The following MALRD1 variants were observed in gnomAD, a reference collection of about 807,000 sequenced individuals.
The protein encoded by MALRD1 is MAM and LDL receptor class A domain containing 1, also known as MAM and LDL-receptor class A domain-containing protein 1.
MALRD1 carries 247 observed loss-of-function variants against 242.1 expected under a neutral mutation model. The ratio of observed to expected loss-of-function variants is 1.02; its 90% confidence interval spans 0.92 to 1.13. The LOEUF is 1.13. Ranked by LOEUF, MALRD1 falls within the 50% of genes most tolerant of loss-of-function variation. The pLI, the probability that MALRD1 is intolerant of heterozygous loss-of-function variation, is 0.00. For synonymous variants in MALRD1, 995 were observed against 866.6 expected (o/e 1.15, Z -2.60); for missense variants, 2,989 against 2,533.1 (o/e 1.18, Z -3.86).
At chr10:19,165,257 ATATATATATTTTGTTTTGTTTTGT>A (rs2131503589) in intron 12 of MALRD1, among the ~76,000 whole-genome samples, 1 of 110,360 alleles carries the variant, frequency 9.1e-6, no homozygotes, top group African/African-American at 3.7e-5. Flanking sequence ...ATATATATAT[ATATATATATTTTGTTTTGTTTTGT>A]TTTTGTTTTG....
intron 38 of MALRD1, among the ~76,000 whole-genome samples, chr10:19,727,687 C>G (rs1046313030): frequency 9.2e-5 from 14 of 152,012 alleles, no homozygotes; most frequent in African/African-American, 3.4e-4. Context: ...ATTCTTACAA[C>G]TCACTTATTC....
intron 31 of MALRD1, among the ~76,000 whole-genome samples, chr10:19,510,889 T>G (rs1833372763): frequency 6.6e-6 from 1 of 152,220 alleles, no homozygotes; most frequent in African/African-American, 2.4e-5. Context: ...TCTTGCAGAT[T>G]AGTTTCTATA....
intron 36 of MALRD1, among the ~76,000 whole-genome samples, chr10:19,635,320 A>G (rs2131663232): frequency 6.6e-6 from 1 of 152,346 alleles, no homozygotes; most frequent in Non-Finnish European, 1.5e-5. Context: ...AATAAAAATA[A>G]TAAGTCAACT....
chr10:19,421,449 T>C (rs1341816694), intron 28 of MALRD1, among the ~76,000 whole-genome samples: 1 of 152,174 alleles, frequency 6.6e-6, no homozygotes, highest in Non-Finnish European at 1.5e-5. Flanking sequence ...GGATTATTTA[T>C]AATTTCTGGT....
chr10:19,292,765 C>T (rs1039226028), intron 21 of MALRD1, among the ~76,000 whole-genome samples: 11 of 151,634 alleles, frequency 7.3e-5, no homozygotes, highest in African/African-American at 2.4e-4. Context: ...TGGTGGCGGG[C>T]GCCTGTAGTC....
chr10:19,702,768 TA>T (rs1833684148), intron 38 of MALRD1, among the ~76,000 whole-genome samples: 1 of 151,820 alleles, frequency 6.6e-6, no homozygotes, highest in Non-Finnish European at 1.5e-5. Flanking sequence ...ACCTTGAAAA[TA>T]ATGCCAAAAC....
intron 36 of MALRD1, among the ~76,000 whole-genome samples, chr10:19,680,439 G>T (rs1259109102): frequency 6.6e-6 from 1 of 151,858 alleles, no homozygotes; most frequent in African/African-American, 2.4e-5. Context: ...AGTGTGTTTT[G>T]CCAGAAACTA....
intron 28 of MALRD1, among the ~76,000 whole-genome samples, chr10:19,424,023 G>A (rs550084225): frequency 1.2e-4 from 18 of 152,024 alleles, no homozygotes; most frequent in East Asian, 3.9e-4. Flanking sequence ...ATCTATAGTC[G>A]AAAATAAAAC....
At chr10:19,462,182 C>T (rs536562634) in intron 29 of MALRD1, among the ~76,000 whole-genome samples, 11 of 152,268 alleles carry the variant, frequency 7.2e-5, no homozygotes, top group African/African-American at 2.4e-4. Context: ...AATAGTAAAG[C>T]ACTTCCTCTT....
At chr10:19,202,379 A>G (rs573917855) in intron 14 of MALRD1, among the ~76,000 whole-genome samples, 1 of 152,290 alleles carries the variant, frequency 6.6e-6, no homozygotes, top group African/African-American at 2.4e-5. Flanking sequence ...GAAAGTATAA[A>G]AAACTTATAA....
At chr10:19,731,946 A>G (rs1206053280) in intron 39 of MALRD1, among the ~76,000 whole-genome samples, 1 of 152,160 alleles carries the variant, frequency 6.6e-6, no homozygotes, top group Non-Finnish European at 1.5e-5. Flanking sequence ...AAGAGCCTTG[A>G]GTGCTGTGGC....
At chr10:19,420,904 T>C (rs998722020) in intron 28 of MALRD1, among the ~76,000 whole-genome samples, 2 of 152,192 alleles carry the variant, frequency 1.3e-5, no homozygotes, top group Non-Finnish European at 2.9e-5. Flanking sequence ...GCATTTCATT[T>C]TTTATGGAAA....
At chr10:19,371,594 C>G (rs985996595) in intron 26 of MALRD1, among the ~76,000 whole-genome samples, 3 of 152,036 alleles carry the variant, frequency 2.0e-5, no homozygotes, top group Non-Finnish European at 2.9e-5. Flanking sequence ...ATTAACCCTA[C>G]TTGGTCAGAA....
intron 2 of MALRD1, among the ~76,000 whole-genome samples, chr10:19,081,816 C>T (rs753720283): frequency 4.6e-5 from 7 of 151,918 alleles, no homozygotes; most frequent in Non-Finnish European, 8.8e-5. Flanking sequence ...TTTCATATAG[C>T]GATTTCAGCT....
chr10:19,330,841 T>C (rs1424222697), intron 23 of MALRD1, among the ~76,000 whole-genome samples: 1 of 151,240 alleles, frequency 6.6e-6, no homozygotes, highest in African/African-American at 2.5e-5. Context: ...TCATTTCAAT[T>C]CCAAAGATGT....
chr10:19,350,139 C>T (rs1420208843), intron 25 of MALRD1, among the ~76,000 whole-genome samples: 2 of 151,920 alleles, frequency 1.3e-5, no homozygotes, highest in East Asian at 1.9e-4. Context: ...ACCTCTGCCC[C>T]TTCATCTTGT....
At chr10:19,584,315 T>G (rs1837282746) in intron 33 of MALRD1, among the ~76,000 whole-genome samples, 1 of 152,164 alleles carries the variant, frequency 6.6e-6, no homozygotes, top group Non-Finnish European at 1.5e-5. Flanking sequence ...AATTGTGATG[T>G]TAGGATGTCA....
At chr10:19,727,411 C>T (rs182245945) in intron 38 of MALRD1, among the ~76,000 whole-genome samples, 2 of 152,166 alleles carry the variant, frequency 1.3e-5, no homozygotes, top group African/African-American at 4.8e-5. Context: ...TATAAATATG[C>T]TCGCTAAATT....
intron 28 of MALRD1, among the ~76,000 whole-genome samples, chr10:19,413,584 CAATTT>C (rs1833369105): frequency 6.6e-6 from 1 of 151,364 alleles, no homozygotes; most frequent in African/African-American, 2.4e-5. Flanking sequence ...GATTTTAGGA[CAATTT>C]AATTTATTAC....
Sources: gnomAD v4.1 joint callset for allele counts (sites outside exome capture counted in the v4.1 genomes callset) on GRCh38, gnomAD v4.1.1 for gene constraint, MANE v1.5 for transcripts, NCBI Gene and HGNC (gene_info 2026-07-23, HGNC 2026-07-21) for gene names.